KLHL1: variants seen among roughly 807,000 people sequenced by gnomAD.
KLHL1 encodes the protein kelch like family member 1.
Under a neutral mutation model 77.7 loss-of-function variants are expected in KLHL1, and 47 were observed. The observed-to-expected ratio is 0.60, with a 90% confidence interval of 0.48 to 0.77. The LOEUF (loss-of-function observed/expected upper bound fraction) is 0.77, where lower values mean the gene tolerates loss of function less well. Ranked by LOEUF, KLHL1 falls within the 30% of genes least tolerant of loss-of-function variation. The pLI is 0.00. For missense variants in KLHL1, 925 were observed against 910.8 expected (o/e 1.02, Z -0.20); for synonymous variants, 360 against 325.2 (o/e 1.11, Z -1.15).
At chr13:69,924,404 T>C (rs1364538202) in intron 4 of KLHL1, among the ~76,000 whole-genome samples, 1 of 151,990 alleles carries the variant, frequency 6.6e-6, no homozygotes, top group Non-Finnish European at 1.5e-5. Flanking sequence ...CCCCCCAGAC[T>C]CAGCCAGACT....
chr13:70,019,775 T>C (rs1885744241), intron 1 of KLHL1, among the ~76,000 whole-genome samples: 1 of 152,132 alleles, frequency 6.6e-6, no homozygotes, highest in Non-Finnish European at 1.5e-5. Flanking sequence ...TCTTTAACGA[T>C]TTAAATGGTG....
chr13:70,002,016 A>T (rs1322963732), intron 1 of KLHL1, among the ~76,000 whole-genome samples: 2 of 151,568 alleles, frequency 1.3e-5, no homozygotes, highest in African/African-American at 4.8e-5. Flanking sequence ...CATCCACCTT[A>T]ACAGAGCCTA....
rs143080354 is a variant in KLHL1, at chr13:69,781,753, A to G, written c.1639+14985T>C. On this transcript the variant is annotated intron_variant, in intron 7 of 10. Transcript: ENST00000377844. Reference sequence around the variant, plus strand: ...TTTCTGATTGATTGCTTTCTAGGAGAATCATTTTAGAAGCTCTGTGTTGTA... The same window carrying G: ...TTTCTGATTGATTGCTTTCTAGGAGGATCATTTTAGAAGCTCTGTGTTGTA... Among the ~76,000 whole-genome samples the G allele has an allele frequency of 8.1e-4, 123 of 152,208 alleles. 1 individual carries two copies. Among genetic ancestry groups the G allele is most frequent in the African/African-American group, 2.9e-3 (121 of 41,536 alleles).
At chr13:69,955,561 T>C (rs1883840508) in intron 3 of KLHL1, among the ~76,000 whole-genome samples, 1 of 151,244 alleles carries the variant, frequency 6.6e-6, no homozygotes, top group African/African-American at 2.4e-5. Context: ...CCATCTCCCA[T>C]ATTTGTTAGA....
intron 4 of KLHL1, among the ~76,000 whole-genome samples, chr13:69,934,329 T>C (rs889028689): frequency 1.3e-5 from 2 of 152,148 alleles, no homozygotes; most frequent in Non-Finnish European, 1.5e-5. Flanking sequence ...GATGTGAGTA[T>C]ATATCACATC....
chr13:69,961,106 G>A (rs1884049842), intron 3 of KLHL1, among the ~76,000 whole-genome samples: 1 of 151,808 alleles, frequency 6.6e-6, no homozygotes, highest in African/African-American at 2.4e-5. Context: ...AATCATTTGT[G>A]GAAGAACGAA....
At chr13:69,802,094 C>A (rs1376258308) in intron 6 of KLHL1, among the ~76,000 whole-genome samples, 1 of 152,090 alleles carries the variant, frequency 6.6e-6, no homozygotes, top group Admixed American at 6.6e-5. Context: ...TCAACTCCCA[C>A]TTATGAGTGA....
intron 2 of KLHL1, among the ~76,000 whole-genome samples, chr13:69,970,923 T>C (rs1376565852): frequency 6.6e-6 from 1 of 152,136 alleles, no homozygotes; most frequent in Admixed American, 6.6e-5. Context: ...TTTATGTTCA[T>C]ATAGTCTTCA....
At chr13:70,038,871 G>A (rs1461016052) in intron 1 of KLHL1, among the ~76,000 whole-genome samples, 2 of 151,754 alleles carry the variant, frequency 1.3e-5, no homozygotes, top group East Asian at 2.0e-4. Context: ...GATTACAGGC[G>A]TGAGCCACTG....
At chr13:69,881,092 C>T (rs1203437791) in intron 5 of KLHL1, among the ~76,000 whole-genome samples, 2 of 152,060 alleles carry the variant, frequency 1.3e-5, no homozygotes, top group South Asian at 2.1e-4. Flanking sequence ...TGCATGTTTC[C>T]GCTTCTTTGT....
chr13:69,812,563 C>T (rs1208635181), intron 6 of KLHL1, among the ~76,000 whole-genome samples: 1 of 151,954 alleles, frequency 6.6e-6, no homozygotes, highest in Non-Finnish European at 1.5e-5. Context: ...AAAATGTTTG[C>T]AATCTACTCA....
intron 6 of KLHL1, among the ~76,000 whole-genome samples, chr13:69,818,529 T>G (rs1021618611): frequency 3.3e-5 from 5 of 152,132 alleles, no homozygotes; most frequent in Non-Finnish European, 5.9e-5. Context: ...AGGCATCTTT[T>G]TTTAATTCTA....
chr13:70,040,552 G>C (rs1886351598), intron 1 of KLHL1, among the ~76,000 whole-genome samples: 1 of 152,140 alleles, frequency 6.6e-6, no homozygotes, highest in Non-Finnish European at 1.5e-5. Context: ...TGACTTCCAT[G>C]ATTTCTGATG....
chr13:69,860,256 A>G (rs1358172323), intron 5 of KLHL1, among the ~76,000 whole-genome samples: 1 of 152,060 alleles, frequency 6.6e-6, no homozygotes, highest in Non-Finnish European at 1.5e-5. Context: ...AAAAATCTCA[A>G]TGTTCAAAAA....
intron 1 of KLHL1, among the ~76,000 whole-genome samples, chr13:70,054,387 A>G (rs2137396098): frequency 6.6e-6 from 1 of 152,164 alleles, no homozygotes; most frequent in South Asian, 2.1e-4. Context: ...GAGGTTTTTT[A>G]TGTCTGTGAG....
At chr13:70,069,565 A>G (rs964658044) in intron 1 of KLHL1, among the ~76,000 whole-genome samples, 3 of 152,232 alleles carry the variant, frequency 2.0e-5, no homozygotes, top group Admixed American at 2.0e-4. Flanking sequence ...ATTTAAAAGG[A>G]TTAAATGGTA....
chr13:69,919,407 A>C (rs936559759), intron 4 of KLHL1, among the ~76,000 whole-genome samples: 1 of 152,030 alleles, frequency 6.6e-6, no homozygotes, highest in African/African-American at 2.4e-5. Flanking sequence ...TTTTTAGCTG[A>C]CATGGTTTGA....
At chr13:69,978,580 G>A (rs1884616482) in intron 1 of KLHL1, among the ~76,000 whole-genome samples, 2 of 151,196 alleles carry the variant, frequency 1.3e-5, no homozygotes, top group South Asian at 2.1e-4. Flanking sequence ...TCTGCCCCCC[G>A]GGTTCAAGTG....
intron 6 of KLHL1, among the ~76,000 whole-genome samples, chr13:69,808,700 A>T (rs1012316920): frequency 6.6e-6 from 1 of 152,180 alleles, no homozygotes; most frequent in Non-Finnish European, 1.5e-5. Context: ...AGTAGCTTCC[A>T]AGCAATGGAT....
Sources: gnomAD v4.1 joint callset for allele counts (sites outside exome capture counted in the v4.1 genomes callset) on GRCh38, gnomAD v4.1.1 for gene constraint, MANE v1.5 for transcripts, NCBI Gene and HGNC (gene_info 2026-07-23, HGNC 2026-07-21) for gene names.